The following HEATR4 variants were observed in gnomAD, a reference collection of about 807,000 sequenced individuals.
The protein encoded by HEATR4 is HEAT repeat containing 4.
A neutral mutation model predicts 108.8 loss-of-function variants in HEATR4; 95 were observed. That is an observed-to-expected ratio of 0.87 (90% CI 0.74 to 1.04). The LOEUF (loss-of-function observed/expected upper bound fraction) is 1.04, where lower values mean the gene tolerates loss of function less well. Among genes scored for constraint, HEATR4 ranks in the 50% least tolerant of loss-of-function variants. HEATR4 has a pLI of 0.00. For missense variants in HEATR4, 1,152 were observed against 1,253.8 expected (o/e 0.92, Z 1.23); for synonymous variants, 443 against 459.4 (o/e 0.96, Z 0.46).
Position 73,487,606 on chromosome 14 carries a change from G to T in HEATR4, c.2844+5460C>A, listed in dbSNP as rs372822992. Among the ~76,000 whole-genome samples the T allele has an allele frequency of 2.9e-4, 44 of 152,198 alleles. No individual in the cohort carries two copies. The South Asian group carries it at 6.2e-3, about 22-fold the overall frequency. ...AAACAAAGCCTATATTTTTAGCAGG[G>T]CATGGTGGCTCATGCTTGTAATCCC... On this transcript the variant is annotated intron_variant, in intron 17 of 17. Transcript: ENST00000553558.
At chr14:73,570,472 G>A in the HEATR4 span, among the ~76,000 whole-genome samples, 2 of 151,994 alleles carry the variant, frequency 1.3e-5, no homozygotes. Flanking sequence ...GGGAGGCTGA[G>A]GCAGGAGAAT....
chr14:73,525,876 C>T (rs2140301347), intron 2 of HEATR4, among the ~76,000 whole-genome samples: 1 of 151,838 alleles, frequency 6.6e-6, no homozygotes, highest in South Asian at 2.1e-4. Flanking sequence ...TTGCTTGAAC[C>T]TGGGAAGCAG....
chr14:73,536,516 T>A (rs1214764861), intron 1 of HEATR4, among the ~76,000 whole-genome samples: 1 of 59,348 alleles, frequency 1.7e-5, no homozygotes. Flanking sequence ...CCTGTCTCTT[T>A]AAAAAAAAAA....
chr14:73,593,811 T>TCAA, the HEATR4 span: 1 of 1,073,002 alleles, frequency 9.3e-7, no homozygotes, highest in Non-Finnish European at 1.4e-6. Context: ...TGGCTCTAGC[T>TCAA]TATTATAACT....
At chr14:73,578,868 G>A in the HEATR4 span, among the ~76,000 whole-genome samples, 8,995 of 151,646 alleles carry the variant, frequency 0.059, 338 homozygotes, top group Middle Eastern at 0.096. Flanking sequence ...GGGCAGTCAC[G>A]AGGTCGGGAG....
intron 17 of HEATR4, among the ~76,000 whole-genome samples, chr14:73,488,807 G>A (rs1197189152): frequency 6.6e-6 from 1 of 152,096 alleles, no homozygotes; most frequent in Non-Finnish European, 1.5e-5. Context: ...TGGATCACCT[G>A]AGGTCAGGAA....
the HEATR4 span, among the ~76,000 whole-genome samples, chr14:73,605,111 A>C: frequency 6.6e-6 from 1 of 151,698 alleles, no homozygotes. Context: ...AAAAAAAAAA[A>C]CCTTTTTCCA....
At chr14:73,581,241 C>T in the HEATR4 span, 35 of 151,532 alleles carry the variant, frequency 2.3e-4, 1 homozygote, top group Middle Eastern at 3.4e-3. Context: ...GTATTGCTCA[C>T]AGTTTTGGAA....
At chr14:73,483,965 C>T (rs1249160332) in intron 17 of HEATR4, among the ~76,000 whole-genome samples, 2 of 151,996 alleles carry the variant, frequency 1.3e-5, no homozygotes, top group Non-Finnish European at 2.9e-5. Context: ...AGCGATTATC[C>T]TGTCTCAGCC....
At chr14:73,590,018 G>T in the HEATR4 span, among the ~76,000 whole-genome samples, 1 of 152,198 alleles carries the variant, frequency 6.6e-6, no homozygotes, top group Admixed American at 6.5e-5. Context: ...GCTCACAACA[G>T]CAGTGCGGGC....
Position 73,507,302 on chromosome 14 carries a change from CTT to C in HEATR4, c.1882-733_1882-732del, listed in dbSNP as rs940711701. 6.0e-4 allele frequency among the ~76,000 whole-genome samples: 92 copies of C among 152,308 alleles called. 1 individual carries two copies. The highest frequency in any genetic ancestry group is 3.4e-3 in the Middle Eastern group (1 of 294). Reference sequence around the variant, plus strand: ...GAGACCATTTGCAACCTAATTCTCACTTTTCTCTCAGCTAACTATTGTGACTT... The same window carrying C: ...GAGACCATTTGCAACCTAATTCTCACTTCTCTCAGCTAACTATTGTGACTT... On this transcript the variant is annotated intron_variant, in intron 9 of 17. Transcript: ENST00000553558.
the HEATR4 span, among the ~76,000 whole-genome samples, chr14:73,572,759 C>T: frequency 1.3e-5 from 2 of 149,576 alleles, no homozygotes; most frequent in Non-Finnish European, 3.0e-5. Flanking sequence ...GATTCTCCTC[C>T]CTCAGCCTCC....
In HEATR4 at chr14:73,498,980, C is replaced by G. The variant is rs1268490271; in HGVS notation, c.2356+91G>C. ...TAAGATCATTACCTCTCCTGCACTT[C>G]ACCCCATTAGAGAGTTTCAGGGGAT... On this transcript the variant is annotated intron_variant, in intron 13 of 17. Coordinates refer to ENST00000553558, the MANE Select transcript of HEATR4 (RefSeq NM_001220484.1). 1.0e-5 allele frequency: 11 copies of G among 1,048,930 alleles called. No individual in the cohort carries two copies. The African/African-American group carries it at 1.2e-4, about 12-fold the overall frequency. 65.0% of individuals were successfully genotyped at this position (1,048,930 alleles called of 1,614,324 possible). A position where few individuals can be genotyped will look rare whatever the true frequency, so the allele number is the denominator to read the frequency against.
intron 7 of HEATR4, among the ~76,000 whole-genome samples, chr14:73,509,844 A>T (rs12590253): frequency 1.3e-4 from 9 of 70,702 alleles, no homozygotes; most frequent in South Asian, 4.0e-4. Flanking sequence ...ATATATATAT[A>T]TATATATATA....
At chr14:73,633,085 G>C in the HEATR4 span, among the ~76,000 whole-genome samples, 1 of 145,894 alleles carries the variant, frequency 6.9e-6, no homozygotes, top group Non-Finnish European at 1.5e-5. Context: ...GCTCACTGCA[G>C]CCTCCGCCTC....
chr14:73,491,038 T>G, intron 17 of HEATR4: 1 of 1,583,782 alleles, frequency 6.3e-7, no homozygotes, highest in Non-Finnish European at 8.6e-7. Context: ...TCCAGGCCAG[T>G]GCAGGGCCGT....
At chr14:73,501,123 T>C (rs886297521) in intron 11 of HEATR4, among the ~76,000 whole-genome samples, 1 of 152,196 alleles carries the variant, frequency 6.6e-6, no homozygotes, top group African/African-American at 2.4e-5. Flanking sequence ...TTTTATTTAT[T>C]TTATTATTTT....
chr14:73,612,443 C>A, the HEATR4 span: 1 of 592,904 alleles, frequency 1.7e-6, no homozygotes, highest in Admixed American at 4.4e-5. Flanking sequence ...TGGAGCCTGT[C>A]CCCAAGTCCA....
At chr14:73,509,257 A>G in intron 8 of HEATR4, 55 bp downstream of exon 8, 1 of 1,523,272 alleles carries the variant, frequency 6.6e-7, no homozygotes, top group Admixed American at 1.7e-5. Flanking sequence ...GGGAAAGCTG[A>G]TAGTGAGATG....
Sources: allele counts gnomAD v4.1 joint callset (sites outside exome capture counted in the v4.1 genomes callset), GRCh38; gene constraint gnomAD v4.1.1; transcripts MANE v1.5; gene names NCBI Gene and HGNC (gene_info 2026-07-23, HGNC 2026-07-21).